The following ERICH1 variants were observed in gnomAD, a reference collection of about 807,000 sequenced individuals.
The protein encoded by ERICH1 is glutamate-rich protein 1.
ERICH1 carries 56 observed loss-of-function variants against 39.6 expected under a neutral mutation model. The observed-to-expected ratio is 1.41, with a 90% CI of 1.14 to 1.77. ERICH1 has a LOEUF of 1.77. Ranked by LOEUF, ERICH1 falls within the 40% of genes most tolerant of loss-of-function variation. ERICH1 has a pLI of 0.00. For synonymous variants in ERICH1, 313 were observed against 223.6 expected (o/e 1.40, Z -3.57); for missense variants, 826 against 575.4 (o/e 1.44, Z -4.45).
At chr8:652,060 C>T (rs763525924) in intron 3 of ERICH1, among the ~76,000 whole-genome samples, 7 of 152,148 alleles carry the variant, frequency 4.6e-5, no homozygotes, top group South Asian at 2.1e-4. Context: ...AGAGCGTTTG[C>T]GGGCGCTGGG....
In ERICH1 at chr8:673,761, A is replaced by T. The variant is rs372203021; in HGVS notation, c.591T>A (p.Asn197Lys). ...AAGCCTCTCCCACGCCTTCCCCTTCATTGCTGCTGTCCTCGGGCTGGTACA... is the reference window on the plus strand; with the variant it reads ...AAGCCTCTCCCACGCCTTCCCCTTCTTTGCTGCTGTCCTCGGGCTGGTACA... ...SFMYQPEDSS[N>K]EGEGVGEACE... Residue 197 changes from asparagine (N) to lysine (K), a missense_variant, in exon 4 of 6, where the codon AAT (asparagine) becomes AAA (lysine). By Grantham distance (94) the Asn-to-Lys change is moderately conservative. Transcript: ENST00000262109. 1 of 1,614,098 alleles carries T rather than the reference A, an allele frequency of 6.2e-7. No homozygotes were observed. Among genetic ancestry groups the T allele is most frequent in the East Asian group, 2.2e-5 (1 of 44,878 alleles).
rs74835097 is a variant in ERICH1 at position 628,519 on chromosome 8, C to A, written c.977-13235G>T. Among the ~76,000 whole-genome samples the A allele has an allele frequency of 9.9e-3, 1,509 of 152,306 alleles. 24 individuals carry two copies. The highest frequency in any genetic ancestry group is 0.017 in the Middle Eastern group (5 of 294). On this transcript the variant is annotated intron_variant, in intron 3 of 3. Coordinates refer to the ERICH1 transcript ENST00000522706. ...AGGCAGCTGGCGACCTTGGCCAGGC[C>A]GATCAGGGTGACCCCAAGGGGCTGG...
At chr8:693,980 G>A (rs1809553153) in intron 2 of ERICH1, among the ~76,000 whole-genome samples, 8 of 143,874 alleles carry the variant, frequency 5.6e-5, no homozygotes. Context: ...GCCTCTGTCA[G>A]TTTAGTCTTC....
intron 3 of ERICH1, among the ~76,000 whole-genome samples, chr8:651,657 A>C (rs10087796): frequency 0.19 from 27,202 of 144,706 alleles, 3,061 homozygotes; most frequent in Middle Eastern, 0.35. Context: ...AGAGGCAGAG[A>C]GCGAGGGAGA....
chr8:677,590 C>T (rs908256162), intron 3 of ERICH1, among the ~76,000 whole-genome samples: 3 of 152,180 alleles, frequency 2.0e-5, no homozygotes, highest in Non-Finnish European at 2.9e-5. Flanking sequence ...CTGGTCCAGA[C>T]GTCTTTGAAC....
At chr8:691,566 G>C (rs1031895253) in intron 3 of ERICH1, among the ~76,000 whole-genome samples, 3 of 152,192 alleles carry the variant, frequency 2.0e-5, no homozygotes, top group African/African-American at 7.2e-5. Flanking sequence ...TCACCCAGAG[G>C]AATTTATCTT....
chr8:689,311 A>G (rs1261127110), intron 3 of ERICH1, among the ~76,000 whole-genome samples: 1 of 152,200 alleles, frequency 6.6e-6, no homozygotes, highest in Non-Finnish European at 1.5e-5. Context: ...GGGTTTCGCC[A>G]TGTTGGCCAG....
chr8:647,695 G>A (rs1324693591), intron 3 of ERICH1, among the ~76,000 whole-genome samples: 1 of 65,548 alleles, frequency 1.5e-5, no homozygotes, highest in East Asian at 3.1e-4. Flanking sequence ...ACTCCTGGAT[G>A]AGCCTCAGAA....
intron 2 of ERICH1, among the ~76,000 whole-genome samples, chr8:705,574 G>T (rs1240784019): frequency 6.6e-6 from 1 of 152,158 alleles, no homozygotes; most frequent in Non-Finnish European, 1.5e-5. Flanking sequence ...ACATCATACA[G>T]GATGGTGAAA....
In ERICH1 at chr8:673,420, T is replaced by C. The variant is rs763940715; in HGVS notation, c.932A>G (p.Glu311Gly). The change falls in exon 4 of 6, where the codon GAG (glutamate) becomes GGG (glycine). Residue 311 changes from glutamate (E) to glycine (G), a missense_variant. By Grantham distance (98) the Glu-to-Gly change is moderately conservative. Coordinates refer to ENST00000262109, the MANE Select transcript of ERICH1 (RefSeq NM_207332.3). ...CTCCCCGGAGTCTGCACCCTCTTCC[T>C]CCCCAGCCCATGTCGGGTCTTCCTC... Reference protein sequence around the residue: ...ASEEDPTWAGEEEGADSGEED... With the variant: ...ASEEDPTWAGGEEGADSGEED... 99 of 1,613,854 alleles carry C rather than the reference T, an allele frequency of 6.1e-5. No homozygotes were observed. Among genetic ancestry groups the C allele is most frequent in the Non-Finnish European group, 8.1e-5 (96 of 1,179,974 alleles).
intron 1 of ERICH1, among the ~76,000 whole-genome samples, chr8:719,815 A>G (rs1279991255): frequency 1.3e-5 from 2 of 152,202 alleles, no homozygotes; most frequent in Non-Finnish European, 2.9e-5. Context: ...TCCAAGGACC[A>G]TCACCCTGTA....
At position 645,200 on chromosome 8, in the gene ERICH1, G is replaced by A. The variant is rs536843967; in HGVS notation, c.976+23398C>T. On this transcript the variant is annotated intron_variant, in intron 3 of 3. Transcript: ENST00000522706. ...TTTCCCTCGGCTGGCACTGGAGTCC[G>A]CGTTGAGCTGTGACCGCAGACGCGC... Among the ~76,000 whole-genome samples, 86 of 67,896 alleles carry A rather than the reference G, an allele frequency of 1.3e-3. 27 individuals are homozygous for A. Among genetic ancestry groups the A allele is most frequent in the South Asian group, 4.0e-3 (7 of 1,756 alleles). The allele number at this position is 67,896 out of a possible 152,430, so 44.5% of individuals were successfully genotyped here.
intron 3 of ERICH1, among the ~76,000 whole-genome samples, chr8:622,344 G>A (rs1797335111): frequency 1.3e-5 from 2 of 152,318 alleles, no homozygotes. Flanking sequence ...GGCCTTTGGA[G>A]AGTGACTAGG....
At chr8:709,887 T>C (rs1468873711) in intron 2 of ERICH1, among the ~76,000 whole-genome samples, 2 of 152,216 alleles carry the variant, frequency 1.3e-5, no homozygotes, top group African/African-American at 2.4e-5. Context: ...TACCACCAGA[T>C]ATGTTACTGG....
intron 2 of ERICH1, among the ~76,000 whole-genome samples, chr8:699,049 G>T (rs1001355328): frequency 6.6e-6 from 1 of 151,986 alleles, no homozygotes; most frequent in Admixed American, 6.6e-5. Context: ...AGGGCCGTGG[G>T]TGCCAGGACC....
At chr8:725,858 C>T (rs73178881) in intron 1 of ERICH1, 25,207 of 152,414 alleles carry the variant, frequency 0.17, 2,475 homozygotes, top group Middle Eastern at 0.3. Flanking sequence ...CTTCTTCTCT[C>T]CCCTCCTTCG....
At chr8:629,178 C>A (rs1443963724) in intron 3 of ERICH1, among the ~76,000 whole-genome samples, 3 of 152,178 alleles carry the variant, frequency 2.0e-5, no homozygotes, top group Non-Finnish European at 4.4e-5. Flanking sequence ...CGGTCCCACC[C>A]AGCACCCCCT....
intron 3 of ERICH1, among the ~76,000 whole-genome samples, chr8:619,607 T>G (rs576794485): frequency 1.0e-3 from 155 of 152,250 alleles, no homozygotes; most frequent in African/African-American, 3.7e-3. Context: ...ATAACAAACT[T>G]TATAAACATA....
chr8:682,976 G>A (rs968832588), intron 3 of ERICH1, among the ~76,000 whole-genome samples: 21 of 152,226 alleles, frequency 1.4e-4, no homozygotes, highest in African/African-American at 5.1e-4. Context: ...ACCTGTGAAA[G>A]CAGATCTTTA....
Sources: gnomAD v4.1 joint callset for allele counts (sites outside exome capture counted in the v4.1 genomes callset) on GRCh38, gnomAD v4.1.1 for gene constraint, MANE v1.5 for transcripts, NCBI Gene and HGNC (gene_info 2026-07-23, HGNC 2026-07-21) for gene names.